NYAP2: variants seen among roughly 807,000 people sequenced by gnomAD.
NYAP2 encodes the protein neuronal tyrosine-phosphorylated phosphoinositide-3-kinase adaptor 2.
Under a neutral mutation model 50.4 loss-of-function variants are expected in NYAP2, and 23 were observed. That is an observed-to-expected ratio of 0.46 (90% CI 0.33 to 0.65). The LOEUF is 0.65. Among genes scored for constraint, NYAP2 ranks in the 30% least tolerant of loss-of-function variants. NYAP2 has a pLI of 0.02. For missense variants in NYAP2, 885 were observed against 861.0 expected (o/e 1.03, Z -0.35); for synonymous variants, 394 against 365.2 (o/e 1.08, Z -0.90).
chr2:225,695,549 A>G, the NYAP2 span, among the ~76,000 whole-genome samples: 1 of 151,764 alleles, frequency 6.6e-6, no homozygotes, highest in South Asian at 2.1e-4. Context: ...TTGAAAGCCT[A>G]GGACTCTGTT....
the NYAP2 span, among the ~76,000 whole-genome samples, chr2:225,666,228 T>C: frequency 6.6e-6 from 1 of 152,138 alleles, no homozygotes; most frequent in African/African-American, 2.4e-5. Context: ...CTACCTTCTC[T>C]TGCACCACCA....
chr2:225,593,673 AC>A (rs1692551177), intron 5 of NYAP2, among the ~76,000 whole-genome samples: 1 of 152,160 alleles, frequency 6.6e-6, no homozygotes, highest in Non-Finnish European at 1.5e-5. Context: ...CAAGCTACAA[AC>A]CTTTTCATCA....
intron 3 of NYAP2, among the ~76,000 whole-genome samples, chr2:225,440,542 A>G (rs1171801239): frequency 9.2e-5 from 14 of 152,168 alleles, no homozygotes. Flanking sequence ...GAATGTACGG[A>G]GGATTTCGTT....
At chr2:225,566,323 C>G (rs1691962160) in intron 4 of NYAP2, among the ~76,000 whole-genome samples, 1 of 152,056 alleles carries the variant, frequency 6.6e-6, no homozygotes, top group South Asian at 2.1e-4. Context: ...CCTCTGTGAT[C>G]TCAGGTACTT....
At chr2:225,416,957 G>A (rs888677369) in intron 3 of NYAP2, among the ~76,000 whole-genome samples, 10 of 152,148 alleles carry the variant, frequency 6.6e-5, no homozygotes, top group Non-Finnish European at 1.0e-4. Context: ...ACAGAAGCCC[G>A]TTGGAGAATT....
chr2:225,586,287 C>A (rs1254138236), intron 5 of NYAP2, among the ~76,000 whole-genome samples: 1 of 151,998 alleles, frequency 6.6e-6, no homozygotes, highest in East Asian at 1.9e-4. Flanking sequence ...TAAAATAAGA[C>A]AAAAGAGGTA....
chr2:225,552,976 A>G (rs1691705487), intron 4 of NYAP2, among the ~76,000 whole-genome samples: 1 of 152,054 alleles, frequency 6.6e-6, no homozygotes, highest in Non-Finnish European at 1.5e-5. Flanking sequence ...GTGAGCCACC[A>G]CCGTGCCCAG....
Position 225,410,059 on chromosome 2 carries a change from CA to C in NYAP2, c.221+962del, listed in dbSNP as rs1212300288. On this transcript the variant is annotated intron_variant, in intron 3 of 6. Transcript: ENST00000636099. ...CTGAACGCTGTGATATTTAAAAAACCAAAATGTTCTCTTAAAATGAATTATT... is the reference window on the plus strand; with the variant it reads ...CTGAACGCTGTGATATTTAAAAAACCAAATGTTCTCTTAAAATGAATTATT... 2.0e-5 allele frequency among the ~76,000 whole-genome samples: 3 copies of C among 151,946 alleles called. No individual in the cohort carries two copies. In the East Asian group the frequency reaches 5.8e-4, roughly 30 times the overall value.
rs561025968 is a variant in NYAP2, at chr2:225,430,540, TG to T, written c.221+21440del. Among the ~76,000 whole-genome samples, 534 of 152,320 alleles carry T rather than the reference TG, an allele frequency of 3.5e-3. 5 individuals carry two copies. The highest frequency in any genetic ancestry group is 0.017 in the Middle Eastern group (5 of 294). Reference sequence around the variant, plus strand: ...TAACATCTACCACACACTGACAAAGTGCCTGCCACTGTACAAAGTGCATTGC... The same window carrying T: ...TAACATCTACCACACACTGACAAAGTCCTGCCACTGTACAAAGTGCATTGC... On this transcript the variant is annotated intron_variant, in intron 3 of 6. Transcript: ENST00000636099.
intron 6 of NYAP2, among the ~76,000 whole-genome samples, chr2:225,628,204 G>A (rs1285548046): frequency 2.6e-5 from 4 of 151,676 alleles, no homozygotes; most frequent in African/African-American, 7.3e-5. Flanking sequence ...TTGGCCAAAG[G>A]AATACTATAT....
the NYAP2 span, among the ~76,000 whole-genome samples, chr2:225,688,290 T>C: frequency 6.6e-6 from 1 of 152,188 alleles, no homozygotes; most frequent in African/African-American, 2.4e-5. Context: ...TTTGAGGTAT[T>C]GTTGGATTCA....
At position 225,566,960 on chromosome 2, in the gene NYAP2, C is replaced by T. The variant is rs919990480; in HGVS notation, c.524-14981C>T. On this transcript the variant is annotated intron_variant, in intron 4 of 6. Transcript: ENST00000636099. ...GTGTGTGTTTGCATATACAGTCATGCATTGCTTAACAATAAGGATGCTTTC... is the reference window on the plus strand; with the variant it reads ...GTGTGTGTTTGCATATACAGTCATGTATTGCTTAACAATAAGGATGCTTTC... 2.6e-5 allele frequency among the ~76,000 whole-genome samples: 4 copies of T among 151,814 alleles called. No homozygotes were observed. In the East Asian group the frequency reaches 7.7e-4, roughly 29 times the overall value.
intron 3 of NYAP2, among the ~76,000 whole-genome samples, chr2:225,414,330 T>C (rs866095958): frequency 3.3e-5 from 5 of 152,246 alleles, no homozygotes; most frequent in Middle Eastern, 6.8e-3. Flanking sequence ...AGGAAACAAG[T>C]TAATGGAGAA....
At chr2:225,673,630 T>A in the NYAP2 span, among the ~76,000 whole-genome samples, 1 of 152,160 alleles carries the variant, frequency 6.6e-6, no homozygotes, top group South Asian at 2.1e-4. Context: ...ATGGGTGATA[T>A]GGTTCTTACC....
intron 3 of NYAP2, among the ~76,000 whole-genome samples, chr2:225,478,856 A>G (rs1187483612): frequency 1.3e-5 from 2 of 152,216 alleles, no homozygotes; most frequent in African/African-American, 4.8e-5. Context: ...TATCTCTTGT[A>G]TCACCTATTA....
intron 4 of NYAP2, among the ~76,000 whole-genome samples, chr2:225,572,902 T>C (rs1176017834): frequency 6.6e-6 from 1 of 152,164 alleles, no homozygotes; most frequent in Non-Finnish European, 1.5e-5. Flanking sequence ...ACCTCTACTC[T>C]GGTTGTTCTT....
the NYAP2 span, among the ~76,000 whole-genome samples, chr2:225,697,669 G>A: frequency 6.6e-6 from 1 of 151,646 alleles, no homozygotes; most frequent in South Asian, 2.1e-4. Flanking sequence ...TAAGACAATG[G>A]AGCCAACATA....
chr2:225,542,935 A>T (rs1691504220), intron 4 of NYAP2, among the ~76,000 whole-genome samples: 1 of 151,992 alleles, frequency 6.6e-6, no homozygotes, highest in Non-Finnish European at 1.5e-5. Flanking sequence ...TATGGCTTTG[A>T]TCTTATTACT....
At chr2:225,521,984 C>A (rs932462032) in intron 4 of NYAP2, among the ~76,000 whole-genome samples, 2 of 152,058 alleles carry the variant, frequency 1.3e-5, no homozygotes, top group Non-Finnish European at 2.9e-5. Context: ...GATTCAAATT[C>A]TTCCTGGTTT....
Sources: allele counts gnomAD v4.1 joint callset (sites outside exome capture counted in the v4.1 genomes callset), GRCh38; gene constraint gnomAD v4.1.1; transcripts MANE v1.5; gene names NCBI Gene and HGNC (gene_info 2026-07-23, HGNC 2026-07-21).